KLHL1: variants seen among roughly 807,000 people sequenced by gnomAD.
The protein encoded by KLHL1 is kelch like family member 1.
KLHL1 carries 47 observed loss-of-function variants against 77.7 expected under a neutral mutation model. The ratio of observed to expected loss-of-function variants is 0.60; its 90% CI spans 0.48 to 0.77. KLHL1 has a LOEUF of 0.77. KLHL1 is among the 30% of genes least tolerant of loss of function. The pLI is 0.00. For synonymous variants in KLHL1, 360 were observed against 325.2 expected, an observed-to-expected ratio of 1.11 and a Z score of -1.15; for missense variants, 925 against 910.8, an observed-to-expected ratio of 1.02 and a Z score of -0.20.
At chr13:70,038,745 C>CA (rs959393091) in intron 1 of KLHL1, among the ~76,000 whole-genome samples, 1 of 151,798 alleles carries the variant, frequency 6.6e-6, no homozygotes, top group African/African-American at 2.4e-5. Flanking sequence ...CGCCCACCAC[C>CA]ATGCCTGGCT....
chr13:70,005,682 G>A (rs141774602), intron 1 of KLHL1, among the ~76,000 whole-genome samples: 7 of 151,590 alleles, frequency 4.6e-5, no homozygotes, highest in East Asian at 3.9e-4. Context: ...TGCTTATTTC[G>A]CTTTGATTAA....
chr13:69,813,379 C>T (rs958962711), intron 6 of KLHL1, among the ~76,000 whole-genome samples: 4 of 151,442 alleles, frequency 2.6e-5, no homozygotes, highest in East Asian at 1.9e-4. Flanking sequence ...ATGTAAATAA[C>T]GAGTTAATGG....
At chr13:69,978,235 G>C (rs1196022583) in intron 1 of KLHL1, among the ~76,000 whole-genome samples, 1 of 151,848 alleles carries the variant, frequency 6.6e-6, no homozygotes, top group Non-Finnish European at 1.5e-5. Context: ...ACATACTATT[G>C]ACTCTCAGGT....
intron 7 of KLHL1, among the ~76,000 whole-genome samples, chr13:69,756,569 G>T (rs1038328514): frequency 1.3e-5 from 2 of 152,094 alleles, no homozygotes; most frequent in Non-Finnish European, 2.9e-5. Context: ...AATTCAGAAA[G>T]ATTTTAGTAG....
intron 1 of KLHL1, among the ~76,000 whole-genome samples, chr13:70,013,706 T>A (rs929059345): frequency 2.6e-5 from 4 of 152,198 alleles, no homozygotes; most frequent in Non-Finnish European, 5.9e-5. Context: ...TTGAGAGCTG[T>A]TCAAAAACAA....
intron 1 of KLHL1, among the ~76,000 whole-genome samples, chr13:69,984,621 C>A (rs1432489828): frequency 6.6e-6 from 1 of 152,124 alleles, no homozygotes; most frequent in Non-Finnish European, 1.5e-5. Context: ...TCCCAGGGGA[C>A]TGGAAAACCC....
At chr13:69,734,680 A>G (rs925143908) in intron 8 of KLHL1, among the ~76,000 whole-genome samples, 2 of 152,144 alleles carry the variant, frequency 1.3e-5, no homozygotes, top group African/African-American at 2.4e-5. Flanking sequence ...AATTAGGACA[A>G]TCACAATATA....
At chr13:70,088,304 G>C (rs945758568) in intron 1 of KLHL1, among the ~76,000 whole-genome samples, 6 of 152,170 alleles carry the variant, frequency 3.9e-5, no homozygotes, top group African/African-American at 1.4e-4. Context: ...GATGTGTAAA[G>C]TGGAGGTGAT....
At chr13:69,897,820 C>T (rs982632645) in intron 4 of KLHL1, among the ~76,000 whole-genome samples, 3 of 152,118 alleles carry the variant, frequency 2.0e-5, no homozygotes, top group Non-Finnish European at 2.9e-5. Context: ...TTTGGGTCCA[C>T]AAAGAAAGTA....
chr13:69,916,993 T>C (rs1248274053), intron 4 of KLHL1, among the ~76,000 whole-genome samples: 1 of 151,922 alleles, frequency 6.6e-6, no homozygotes, highest in African/African-American at 2.4e-5. Flanking sequence ...AAATATGAAA[T>C]AGAAACATGG....
At chr13:69,934,190 G>C (rs1883095095) in intron 4 of KLHL1, among the ~76,000 whole-genome samples, 1 of 152,136 alleles carries the variant, frequency 6.6e-6, no homozygotes, top group Non-Finnish European at 1.5e-5. Context: ...TAAACTTTAT[G>C]TGTGCCATCA....
intron 8 of KLHL1, among the ~76,000 whole-genome samples, chr13:69,723,247 G>T (rs1216669112): frequency 6.6e-6 from 1 of 152,038 alleles, no homozygotes; most frequent in East Asian, 1.9e-4. Flanking sequence ...ATAACTTTTG[G>T]TACTCTATTG....
At chr13:70,037,591 CTCT>C (rs1235982037) in intron 1 of KLHL1, among the ~76,000 whole-genome samples, 1 of 151,750 alleles carries the variant, frequency 6.6e-6, no homozygotes, top group Non-Finnish European at 1.5e-5. Flanking sequence ...ATCTTTTTGT[CTCT>C]TCTTTAGTTT....
intron 9 of KLHL1, among the ~76,000 whole-genome samples, chr13:69,708,147 G>A (rs940969275): frequency 6.6e-6 from 1 of 151,898 alleles, no homozygotes; most frequent in Non-Finnish European, 1.5e-5. Context: ...TGGTAATGAA[G>A]CAGAAGAAAT....
intron 9 of KLHL1, among the ~76,000 whole-genome samples, chr13:69,709,670 TG>T (rs1183121030): frequency 1.3e-5 from 2 of 152,030 alleles, no homozygotes; most frequent in East Asian, 1.9e-4. Flanking sequence ...TCATTATTTT[TG>T]TTTGTTTCTG....
chr13:69,970,488 AG>A (rs1225845051), intron 2 of KLHL1, among the ~76,000 whole-genome samples: 4 of 152,048 alleles, frequency 2.6e-5, no homozygotes, highest in Non-Finnish European at 5.9e-5. Context: ...CCGATGTCCC[AG>A]GGGCAGTGAT....
chr13:69,868,147 C>T (rs1295849151), intron 5 of KLHL1, among the ~76,000 whole-genome samples: 3 of 151,892 alleles, frequency 2.0e-5, no homozygotes, highest in Non-Finnish European at 4.4e-5. Context: ...TTTAACTAAG[C>T]CCCAATTTCT....
In KLHL1 at chr13:69,839,133, T is replaced by C. The variant is rs762980804; in HGVS notation, c.1257A>G (p.Leu419=). 1.1e-5 allele frequency: 18 copies of C among 1,604,988 alleles called. No individual in the cohort carries two copies. Among genetic ancestry groups the C allele is most frequent in the Non-Finnish European group, 1.5e-5 (18 of 1,175,086 alleles). ...QILADLENHA[L]FKNDLECQKL... is the part of the protein sequence containing the mutation. ...TTTGACATTCCAGATCATTCTTAAA[T>C]AATGCATGATTTTCTAGGTCAGCCA... The change falls in exon 6 of 11, where the codon TTA becomes TTG. Residue 419 remains leucine (L), a synonymous_variant. Coordinates refer to ENST00000377844, the MANE Select transcript of KLHL1 (RefSeq NM_020866.3).
chr13:69,788,171 A>G (rs1363493336), intron 7 of KLHL1, among the ~76,000 whole-genome samples: 1 of 152,258 alleles, frequency 6.6e-6, no homozygotes, highest in Non-Finnish European at 1.5e-5. Flanking sequence ...GTATATACCC[A>G]AAGGATTATA....
Sources: gnomAD v4.1 joint callset for allele counts (sites outside exome capture counted in the v4.1 genomes callset) on GRCh38, gnomAD v4.1.1 for gene constraint, MANE v1.5 for transcripts, NCBI Gene and HGNC (gene_info 2026-07-23, HGNC 2026-07-21) for gene names.